Variants in GOPC observed in about 807,000 individuals in gnomAD.
GOPC encodes the protein Golgi-associated PDZ and coiled-coil motif-containing protein.
A neutral mutation model predicts 51.2 loss-of-function variants in GOPC; 32 were observed. The observed-to-expected ratio is 0.63, with a 90% CI of 0.47 to 0.84. The LOEUF (loss-of-function observed/expected upper bound fraction) is 0.84. Among genes scored for constraint, GOPC ranks in the 40% least tolerant of loss-of-function variants. The pLI is 0.00. For missense variants in GOPC, 441 were observed against 555.5 expected (o/e 0.79, Z 2.07); for synonymous variants, 190 against 205.1 (o/e 0.93, Z 0.63).
At position 117,575,187 on chromosome 6, in the gene GOPC, G is replaced by A. The variant is rs1779862603; in HGVS notation, c.640C>T (p.Leu214=). The change falls in exon 4 of 9, where the codon CTG becomes TTG. Residue 214 remains leucine, a synonymous_variant. Transcript: ENST00000368498. ...RLAAKYLDKE[L]AGRVQQIQLL... ...CCATTTTTTACACACCTTCCTGCCAGTTCCTTATCCAAGTACTTGGCAGCT... is the reference window on the plus strand; with the variant it reads ...CCATTTTTTACACACCTTCCTGCCAATTCCTTATCCAAGTACTTGGCAGCT... 6.2e-7 allele frequency: 1 copy of A among 1,600,410 alleles called. No individual in the cohort carries two copies. The highest frequency in any genetic ancestry group is 1.3e-5 in the African/African-American group (1 of 74,114).
At position 117,573,471 on chromosome 6, in the gene GOPC, C is replaced by G. The variant is rs758948133; in HGVS notation, c.812G>C (p.Gly271Ala). 1.3e-5 allele frequency: 21 copies of G among 1,612,650 alleles called. 2 individuals carry two copies. The South Asian group carries it at 2.2e-4, about 17-fold the overall frequency. Residue 271 changes from glycine (G) to alanine (A), a missense_variant, in exon 5 of 9, where the codon GGC becomes GCC. Physicochemically the swap from Gly to Ala is moderately conservative, Grantham distance 60. Around this residue, in one of 3 missense-constraint regions of GOPC, gnomAD observed 166 missense variants for 267.0 expected, o/e 0.62. Coordinates refer to ENST00000368498, the MANE Select transcript of GOPC (RefSeq NM_020399.4). The part of the protein sequence containing the change: ...DLKRPMQAPP[G>A]HDQDSLKKSQ... ...GCAGCAGCAAAGCAAACATACATGG[C>G]CTGGTGGTGCTTGCATTGGTCGTTT... is the stretch of plus-strand genomic sequence containing the variant.
Position 117,563,128 on chromosome 6 carries a change from A to G in GOPC, c.*126T>C. The G allele has an allele frequency of 2.5e-6, 2 of 794,700 alleles. No individual in the cohort carries two copies. The highest frequency in any genetic ancestry group is 4.1e-6 in the Non-Finnish European group (2 of 484,358). 49.2% of individuals were successfully genotyped at this position (794,700 alleles called of 1,614,324 possible). On this transcript the variant is annotated 3_prime_UTR_variant, in exon 9 of 9. Transcript: ENST00000368498. Reference sequence around the variant, plus strand: ...TGAGAATTGTTCACATGAAGCCCTGAGGTACCCGCCTTTCATTTAGGCAAC... The same window carrying G: ...TGAGAATTGTTCACATGAAGCCCTGGGGTACCCGCCTTTCATTTAGGCAAC...
chr6:117,590,475 G>A (rs527973347), intron 1 of GOPC, among the ~76,000 whole-genome samples: 133 of 151,198 alleles, frequency 8.8e-4, no homozygotes, highest in African/African-American at 3.1e-3. Context: ...AGGAGGCTGA[G>A]GTCAGAGGAT....
At chr6:117,579,170 T>G in intron 1 of GOPC, 106 bp from the exon 2 acceptor site, 1 of 813,174 alleles carries the variant, frequency 1.2e-6, no homozygotes, top group Non-Finnish European at 1.9e-6. Flanking sequence ...TTGAAATAAA[T>G]ACACAAACAT....
At chr6:117,589,524 G>T (rs897986267) in intron 1 of GOPC, among the ~76,000 whole-genome samples, 1 of 152,148 alleles carries the variant, frequency 6.6e-6, no homozygotes, top group African/African-American at 2.4e-5. Context: ...TCACCATGTT[G>T]GTCAGGCTGG....
intron 1 of GOPC, among the ~76,000 whole-genome samples, chr6:117,585,762 T>C (rs992166327): frequency 6.6e-6 from 1 of 152,092 alleles, no homozygotes; most frequent in Non-Finnish European, 1.5e-5. Context: ...CCCATACCCA[T>C]ACACATGCAC....
intron 4 of GOPC, 29 bp downstream of exon 4, chr6:117,575,148 G>C (rs756564548): frequency 7.2e-6 from 11 of 1,519,538 alleles, no homozygotes; most frequent in Admixed American, 4.2e-5. Flanking sequence ...TGTCACTTAA[G>C]AGTACAATAA....
chr6:117,596,386 T>C (rs187730024), intron 1 of GOPC, among the ~76,000 whole-genome samples: 15 of 152,344 alleles, frequency 9.8e-5, no homozygotes, highest in African/African-American at 3.4e-4. Context: ...GCACAAAGTT[T>C]TTAGTTTAAT....
In GOPC at chr6:117,562,484, TG is replaced by T; in HGVS notation, c.*769del. The stretch of plus-strand genomic sequence containing the variant: ...ACAAGCATTTGAGGCTCAACATGAA[TG>T]GGTAAATGCTCCAGTACTGCGCACA... On this transcript the variant is annotated 3_prime_UTR_variant, in exon 9 of 9. Coordinates refer to ENST00000368498, the MANE Select transcript of GOPC (RefSeq NM_020399.4). 1 of 203,590 alleles carries T rather than the reference TG, an allele frequency of 4.9e-6. No homozygotes were observed. The highest frequency in any genetic ancestry group is 1.0e-5 in the Non-Finnish European group (1 of 99,296). The allele number at this position is 203,590 out of a possible 1,614,324, so 12.6% of individuals were successfully genotyped here.
rs376452958 is a variant in GOPC at position 117,601,997 on chromosome 6, G to A, written c.285+7C>T. On this transcript the variant is annotated splice_region_variant and intron_variant, in intron 1 of 8. Coordinates refer to ENST00000368498, the MANE Select transcript of GOPC (RefSeq NM_020399.4). The stretch of plus-strand genomic sequence containing the variant: ...GGATGCCATAGCCGCCAGCACCCAC[G>A]GCTCACCTCCAGCTTGTGGTTGATT... The A allele has an allele frequency of 4.3e-6, 7 of 1,612,598 alleles. No homozygotes were observed. In the African/African-American group the frequency reaches 8.0e-5, roughly 18 times the overall value.
intron 1 of GOPC, among the ~76,000 whole-genome samples, chr6:117,599,062 T>G: frequency 6.6e-6 from 1 of 152,276 alleles, no homozygotes; most frequent in African/African-American, 2.4e-5. Context: ...TAATAGCCTA[T>G]TCAAGTAAAA....
In GOPC at chr6:117,567,036, TA is replaced by T; in HGVS notation, c.1078-3del. On this transcript the variant is annotated splice_polypyrimidine_tract_variant and splice_region_variant and intron_variant, in intron 7 of 8. Coordinates refer to ENST00000368498, the MANE Select transcript of GOPC (RefSeq NM_020399.4). ...TACTTCAAATTCAATCTCTCCTCTC[TA>T]AAACAGGAAATGAAAATGAGAAAGT... 1 of 1,555,352 alleles carries T rather than the reference TA, an allele frequency of 6.4e-7. No homozygotes were observed. The highest frequency in any genetic ancestry group is 8.6e-7 in the Non-Finnish European group (1 of 1,157,644).
chr6:117,581,464 GAAA>G (rs35581241), intron 1 of GOPC, among the ~76,000 whole-genome samples: 222 of 146,018 alleles, frequency 1.5e-3, no homozygotes, highest in Middle Eastern at 3.5e-3. Flanking sequence ...CTCAGATCTT[GAAA>G]AAAAAAAAAA....
At position 117,560,986 on chromosome 6, in the gene GOPC, G is replaced by C. The variant is rs1465507201; in HGVS notation, c.*2268C>G. The C allele has an allele frequency of 4.7e-6, 1 of 213,942 alleles. No individual in the cohort carries two copies. Among genetic ancestry groups the C allele is most frequent in the Non-Finnish European group, 9.4e-6 (1 of 105,838 alleles). The allele number at this position is 213,942 out of a possible 1,614,324, so 13.3% of individuals were successfully genotyped here. A position where few individuals can be genotyped will look rare whatever the true frequency, so the allele number is the denominator to read the frequency against. ...CTTTGGAACTAATAACTAATTCTTA[G>C]TTCATCCCCAAAAACCATACATTCT... On this transcript the variant is annotated 3_prime_UTR_variant, in exon 9 of 9. Coordinates refer to ENST00000368498, the MANE Select transcript of GOPC (RefSeq NM_020399.4).
At chr6:117,591,828 A>G (rs992306222) in intron 1 of GOPC, among the ~76,000 whole-genome samples, 3 of 152,248 alleles carry the variant, frequency 2.0e-5, no homozygotes, top group African/African-American at 7.2e-5. Flanking sequence ...TGACAGAATT[A>G]GGTTTGTCTT....
At chr6:117,587,664 T>A (rs1047092984) in intron 1 of GOPC, among the ~76,000 whole-genome samples, 61 of 152,270 alleles carry the variant, frequency 4.0e-4, no homozygotes, top group African/African-American at 1.4e-3. Flanking sequence ...TGGGACATTT[T>A]CAGGGGATCT....
intron 1 of GOPC, 77 bp from the exon 2 acceptor site, chr6:117,579,141 G>A: frequency 8.9e-7 from 1 of 1,125,118 alleles, no homozygotes; most frequent in Non-Finnish European, 1.2e-6. Flanking sequence ...ATTCAAGAAT[G>A]ACAACAGAGA....
At chr6:117,584,292 C>T (rs1779999821) in intron 1 of GOPC, among the ~76,000 whole-genome samples, 1 of 152,158 alleles carries the variant, frequency 6.6e-6, no homozygotes. Flanking sequence ...CACTATCTAC[C>T]TGGAGATACT....
chr6:117,594,024 G>A (rs1780156979), intron 1 of GOPC, among the ~76,000 whole-genome samples: 1 of 152,080 alleles, frequency 6.6e-6, no homozygotes, highest in African/African-American at 2.4e-5. Flanking sequence ...CCATACCATA[G>A]TCAGAGTGAA....
Sources: allele counts gnomAD v4.1 joint callset (sites outside exome capture counted in the v4.1 genomes callset), GRCh38; gene constraint gnomAD v4.1.1; regional missense constraint gnomAD v4.1.1; transcripts MANE v1.5; gene names NCBI Gene and HGNC (gene_info 2026-07-23, HGNC 2026-07-21).